CLASP1: variants seen among roughly 807,000 people sequenced by gnomAD.
CLASP1 encodes CLIP-associating protein 1.
In CLASP1, 38 loss-of-function variants were observed where a neutral mutation model predicts 192.3. The ratio of observed to expected loss-of-function variants is 0.20; its 90% CI spans 0.15 to 0.26. CLASP1 has a LOEUF of 0.26. CLASP1 is among the 10% of genes least tolerant of loss of function. The pLI is 1.00. For synonymous variants in CLASP1, 691 were observed against 712.8 expected, an observed-to-expected ratio of 0.97 and a Z score of 0.49; for missense variants, 1,433 against 1,932.5, an observed-to-expected ratio of 0.74 and a Z score of 4.85.
intron 2 of CLASP1, among the ~76,000 whole-genome samples, chr2:121,593,408 T>G (rs2062662302): frequency 6.6e-6 from 1 of 151,604 alleles, no homozygotes; most frequent in African/African-American, 2.4e-5. Flanking sequence ...TCACCTGAGG[T>G]CAGGAGTTCG....
exon 29 of CLASP1, chr2:121,398,363 T>C (rs768334737): frequency 1.3e-6 from 2 of 1,598,906 alleles, no homozygotes; most frequent in African/African-American, 1.3e-5. Context: ...ATAAATCTCA[T>C]CAAAATGTTA....
intron 16 of CLASP1, among the ~76,000 whole-genome samples, chr2:121,450,148 G>A (rs2085154352): frequency 6.6e-6 from 1 of 152,024 alleles, no homozygotes. Flanking sequence ...TGGCTAACAC[G>A]GTGAAACCAT....
At chr2:121,414,446 A>G (rs1308093041) in intron 23 of CLASP1, among the ~76,000 whole-genome samples, 1 of 152,190 alleles carries the variant, frequency 6.6e-6, no homozygotes, top group African/African-American at 2.4e-5. Flanking sequence ...AAGGTGCTCC[A>G]AACTAAGTAT....
intron 1 of CLASP1, among the ~76,000 whole-genome samples, chr2:121,607,086 A>C (rs1036433447): frequency 2.0e-5 from 3 of 150,600 alleles, no homozygotes; most frequent in African/African-American, 7.4e-5. Context: ...TCACACCTGT[A>C]ATCTCAGCAC....
intron 33 of CLASP1, among the ~76,000 whole-genome samples, chr2:121,379,854 C>T (rs1574060662): frequency 6.6e-6 from 1 of 152,138 alleles, no homozygotes; most frequent in African/African-American, 2.4e-5. Flanking sequence ...ATTACAATAG[C>T]CTCTTTTTAA....
At chr2:121,617,689 G>A (rs965186639) in intron 1 of CLASP1, among the ~76,000 whole-genome samples, 1 of 152,192 alleles carries the variant, frequency 6.6e-6, no homozygotes, top group Non-Finnish European at 1.5e-5. Context: ...AAATGCTTAT[G>A]CCTTCTTGCT....
chr2:121,500,919 G>A (rs1459151289), intron 8 of CLASP1, among the ~76,000 whole-genome samples: 6 of 152,056 alleles, frequency 3.9e-5, no homozygotes, highest in Admixed American at 6.5e-5. Context: ...GTGTGTGCAC[G>A]TGCACACACA....
At chr2:121,392,015 A>G (rs1449540615) in intron 30 of CLASP1, among the ~76,000 whole-genome samples, 2 of 152,186 alleles carry the variant, frequency 1.3e-5, no homozygotes, top group African/African-American at 4.8e-5. Flanking sequence ...CTTTATAATC[A>G]TATTTTTTTA....
intron 1 of CLASP1, among the ~76,000 whole-genome samples, chr2:121,628,870 G>A (rs1269286986): frequency 4.2e-5 from 6 of 144,544 alleles, no homozygotes; most frequent in Non-Finnish European, 7.5e-5. Flanking sequence ...GCTCCTGACA[G>A]AGCGAGACTC....
chr2:121,454,122 T>C (rs1266932111), intron 14 of CLASP1, among the ~76,000 whole-genome samples: 1 of 152,140 alleles, frequency 6.6e-6, no homozygotes, highest in Non-Finnish European at 1.5e-5. Flanking sequence ...AACTGCTAAA[T>C]GTTATGAAGC....
At chr2:121,589,565 G>A (rs2062125736) in intron 2 of CLASP1, among the ~76,000 whole-genome samples, 1 of 151,790 alleles carries the variant, frequency 6.6e-6, no homozygotes, top group African/African-American at 2.4e-5. Context: ...AGGAGGCAGA[G>A]GTTGCGGTGA....
chr2:121,352,310 C>T (rs545606909), intron 37 of CLASP1, among the ~76,000 whole-genome samples: 24 of 152,368 alleles, frequency 1.6e-4, no homozygotes, highest in African/African-American at 5.8e-4. Flanking sequence ...CCAGCCAAAG[C>T]GTCGGACTCA....
chr2:121,425,186 C>T (rs1219715042), exon 22 of CLASP1: 4 of 1,612,574 alleles, frequency 2.5e-6, no homozygotes, highest in Non-Finnish European at 3.4e-6. Flanking sequence ...TCCCTGGCTC[C>T]TGGGAATCTT....
At position 121,411,354 on chromosome 2, in the gene CLASP1, G is replaced by A. The variant is rs1435069358; in HGVS notation, c.2321-385C>T. Among the ~76,000 whole-genome samples the A allele has an allele frequency of 2.6e-5, 4 of 152,208 alleles. No homozygotes were observed. The South Asian group carries it at 6.2e-4, about 24-fold the overall frequency. On this transcript the variant is annotated intron_variant, in intron 23 of 39. Transcript: ENST00000263710. ...ATTAGAAAGCTTCATGGTTTCATAAGAGTTCTAATGCAATGTGTGGTAAAA... is the reference window on the plus strand; with the variant it reads ...ATTAGAAAGCTTCATGGTTTCATAAAAGTTCTAATGCAATGTGTGGTAAAA...
intron 34 of CLASP1, among the ~76,000 whole-genome samples, chr2:121,375,680 T>G (rs1345025489): frequency 6.6e-6 from 1 of 152,092 alleles, no homozygotes; most frequent in Non-Finnish European, 1.5e-5. Context: ...TTTATAGCAG[T>G]GTGAGAACTG....
rs1232872518 is a variant in CLASP1 at position 121,610,847 on chromosome 2, A to C, written c.-285-4667T>G. 4.7e-3 allele frequency among the ~76,000 whole-genome samples: 667 copies of C among 142,666 alleles called. 4 individuals are homozygous for C. Among genetic ancestry groups the C allele is most frequent in the African/African-American group, 7.2e-3 (269 of 37,222 alleles). The allele number at this position is 142,666 out of a possible 152,430, so 93.6% of individuals were successfully genotyped here. Reference sequence around the variant, plus strand: ...GAGTTACAGGAGGAAGAGGAACTGGAGGAGGAGGAGGAGTTACAGGAGGAA... The same window carrying C: ...GAGTTACAGGAGGAAGAGGAACTGGCGGAGGAGGAGGAGTTACAGGAGGAA... On this transcript the variant is annotated intron_variant, in intron 1 of 39. Coordinates refer to ENST00000263710, the Ensembl canonical transcript of CLASP1.
intron 14 of CLASP1, among the ~76,000 whole-genome samples, chr2:121,456,207 A>G (rs1307989873): frequency 2.0e-5 from 3 of 151,900 alleles, no homozygotes; most frequent in Non-Finnish European, 4.4e-5. Context: ...CTTGCCAATT[A>G]AAAAAACAAA....
intron 2 of CLASP1, among the ~76,000 whole-genome samples, chr2:121,577,864 C>T (rs2060681569): frequency 6.6e-6 from 1 of 151,996 alleles, no homozygotes; most frequent in Non-Finnish European, 1.5e-5. Context: ...TGCTTGAGTC[C>T]AGGAGTTCAA....
At chr2:121,560,345 A>G (rs1305298668) in intron 2 of CLASP1, among the ~76,000 whole-genome samples, 2 of 152,216 alleles carry the variant, frequency 1.3e-5, no homozygotes, top group Admixed American at 1.3e-4. Flanking sequence ...CTTACATGCA[A>G]TGTTTGTGAG....
Sources: allele counts gnomAD v4.1 joint callset (sites outside exome capture counted in the v4.1 genomes callset), GRCh38; gene constraint gnomAD v4.1.1; transcripts MANE v1.5; gene names NCBI Gene and HGNC (gene_info 2026-07-23, HGNC 2026-07-21).